MYOM2: variants seen among roughly 807,000 people sequenced by gnomAD.
MYOM2 encodes the protein myomesin-2.
Under a neutral mutation model 187.6 loss-of-function variants are expected in MYOM2, and 254 were observed. That is an observed-to-expected ratio of 1.35 (90% CI 1.22 to 1.50). The LOEUF is 1.50. MYOM2 is among the 40% of genes most tolerant of loss of function. The pLI is 0.00. For synonymous variants in MYOM2, 981 were observed against 753.8 expected (o/e 1.30, Z -4.94); for missense variants, 2,796 against 1,924.0 (o/e 1.45, Z -8.48).
At chr8:2,116,972 C>A (rs929589994) in intron 27 of MYOM2, among the ~76,000 whole-genome samples, 1 of 152,094 alleles carries the variant, frequency 6.6e-6, no homozygotes, top group Non-Finnish European at 1.5e-5. Flanking sequence ...ACCGTGTTAA[C>A]CAGGATGGTC....
chr8:2,129,166 A>C lies in MYOM2; in HGVS notation c.3734A>C (p.Glu1245Ala). The C allele has an allele frequency of 6.2e-7, 1 of 1,612,136 alleles. No individual in the cohort carries two copies. Among genetic ancestry groups the C allele is most frequent in the Non-Finnish European group, 8.5e-7 (1 of 1,178,282 alleles). The change falls in exon 32 of 37, where the codon GAA becomes GCA. Residue 1245 changes from glutamate (E) to alanine (A), a missense_variant. Glu to Ala is a moderately radical substitution (Grantham distance 107). Coordinates refer to ENST00000262113, the MANE Select transcript of MYOM2 (RefSeq NM_003970.4). ...ASPLKVLCTP[E>A]GIRLQCFMKY... ...CCACTGAAGGTACTCTGCACCCCAG[A>C]AGGAATACGACTTCAGTGTTTCATG... is the stretch of plus-strand genomic sequence containing the variant.
chr8:2,102,357 A>G, intron 20 of MYOM2: 1 of 267,914 alleles, frequency 3.7e-6, no homozygotes, highest in East Asian at 6.3e-5. Context: ...GTTCCACAGA[A>G]TTATGTTAAA....
chr8:2,100,851 A>C (rs1294798799), intron 19 of MYOM2, 25 bp from the exon 20 acceptor site: 61 of 1,613,448 alleles, frequency 3.8e-5, no homozygotes, highest in Non-Finnish European at 5.1e-5. Flanking sequence ...TGCGCGCAGA[A>C]ACAAGGTGGC....
In MYOM2 at chr8:2,144,924, G is replaced by A. The variant is rs7000678; in HGVS notation, c.4341G>A (p.Pro1447=). ...KHGEKIPDMA[P]PQQAKPKLIP... is the part of the protein sequence containing the mutation. ...GGGAGAAGATCCCGGACATGGCCCC[G>A]CCCCAGCAAGCCAAGCCCAAGCTCA... The change falls in exon 37 of 37, where the codon CCG becomes CCA. Residue 1447 remains proline, a synonymous_variant. Coordinates refer to ENST00000262113, the MANE Select transcript of MYOM2 (RefSeq NM_003970.4). 3.8e-3 allele frequency: 6,144 copies of A among 1,614,090 alleles called. 194 individuals are homozygous for A. In the African/African-American group the frequency reaches 0.069, roughly 18 times the overall value.
chr8:2,046,959 T>C (rs528481095), intron 1 of MYOM2, among the ~76,000 whole-genome samples: 14 of 152,282 alleles, frequency 9.2e-5, no homozygotes, highest in Non-Finnish European at 1.6e-4. Flanking sequence ...ATGCTCTAAA[T>C]TCTGAAACTT....
rs115760721 is a variant in MYOM2 at position 2,093,980 on chromosome 8, C to G, written c.2014C>G (p.His672Asp). Residue 672 changes from histidine to aspartate, a missense_variant, in exon 17 of 37, where the codon CAC becomes GAC. By Grantham distance (81) the His-to-Asp change is moderately conservative. Coordinates refer to ENST00000262113, the MANE Select transcript of MYOM2 (RefSeq NM_003970.4). ...KPIGYNRFVVHGLTTGEQYIF... is the reference protein window; with the variant it reads ...KPIGYNRFVVDGLTTGEQYIF... ...CCCTGTGTTTCTCAGGTTCGTGGTG[C>G]ACGGCTTAACCACGGGAGAGCAGTA... 1.9e-6 allele frequency: 3 copies of G among 1,614,062 alleles called. No homozygotes were observed. The highest frequency in any genetic ancestry group is 2.5e-6 in the Non-Finnish European group (3 of 1,180,028).
At chr8:2,127,361 A>G (rs1292328742) in intron 31 of MYOM2, among the ~76,000 whole-genome samples, 1 of 152,148 alleles carries the variant, frequency 6.6e-6, no homozygotes, top group Non-Finnish European at 1.5e-5. Context: ...GGACCCTCCA[A>G]GTCCTGAGCT....
chr8:2,092,292 T>C, intron 15 of MYOM2, 54 bp from the exon 16 acceptor site: 4 of 1,580,198 alleles, frequency 2.5e-6, no homozygotes, highest in Non-Finnish European at 3.5e-6. Flanking sequence ...ATCTCTGCTG[T>C]AGCTTCCAAA....
intron 3 of MYOM2, among the ~76,000 whole-genome samples, chr8:2,056,996 G>A (rs1818688560): frequency 6.6e-6 from 1 of 152,188 alleles, no homozygotes; most frequent in African/African-American, 2.4e-5. Flanking sequence ...GGTGCCTGTT[G>A]TCTTTTGCTG....
intron 32 of MYOM2, among the ~76,000 whole-genome samples, chr8:2,130,492 A>G (rs1456043539): frequency 6.6e-6 from 1 of 152,238 alleles, no homozygotes; most frequent in Non-Finnish European, 1.5e-5. Flanking sequence ...TTCCAAAGGA[A>G]AATCAATGGT....
chr8:2,052,129 A>C, intron 2 of MYOM2, 29 bp from the exon 3 acceptor site: 1 of 1,611,512 alleles, frequency 6.2e-7, no homozygotes, highest in Non-Finnish European at 8.5e-7. Context: ...CTGAGCATGC[A>C]TCTCCTAATC....
At chr8:2,107,495 G>C (rs891013001) in intron 23 of MYOM2, among the ~76,000 whole-genome samples, 2 of 152,128 alleles carry the variant, frequency 1.3e-5, no homozygotes, top group Non-Finnish European at 2.9e-5. Context: ...GAGAACATCC[G>C]ACCCAGGATC....
chr8:2,049,777 T>A (rs1818423511), intron 1 of MYOM2, among the ~76,000 whole-genome samples: 1 of 152,224 alleles, frequency 6.6e-6, no homozygotes, highest in South Asian at 2.1e-4. Flanking sequence ...ATCAAGTCAC[T>A]CAGCACGTTG....
chr8:2,137,746 C>T (rs997259421), intron 32 of MYOM2, among the ~76,000 whole-genome samples: 2 of 152,132 alleles, frequency 1.3e-5, no homozygotes, highest in South Asian at 2.1e-4. Flanking sequence ...AGTCAATAAA[C>T]GATTACAGTG....
intron 6 of MYOM2, among the ~76,000 whole-genome samples, chr8:2,064,349 G>A (rs1275218130): frequency 1.3e-5 from 2 of 152,216 alleles, no homozygotes; most frequent in African/African-American, 2.4e-5. Context: ...GTGAGACAGC[G>A]GGAACCATAA....
chr8:2,134,096 T>G (rs1007956245), intron 32 of MYOM2, among the ~76,000 whole-genome samples: 1 of 152,204 alleles, frequency 6.6e-6, no homozygotes, highest in South Asian at 2.1e-4. Context: ...TGAATGATGA[T>G]GTAATACTAT....
chr8:2,105,693 A>C (rs1796864592), intron 21 of MYOM2, among the ~76,000 whole-genome samples: 1 of 152,122 alleles, frequency 6.6e-6, no homozygotes, highest in South Asian at 2.1e-4. Context: ...AAAAATTAGC[A>C]ACAACAAAAC....
At chr8:2,054,022 G>A (rs115541692) in intron 3 of MYOM2, among the ~76,000 whole-genome samples, 466 of 152,298 alleles carry the variant, frequency 3.1e-3, no homozygotes, top group African/African-American at 0.01. Flanking sequence ...AAGGGCCCAG[G>A]AGGGATGAGT....
chr8:2,136,048 G>A (rs73657761), intron 32 of MYOM2, among the ~76,000 whole-genome samples: 19,841 of 152,238 alleles, frequency 0.13, 2,193 homozygotes, highest in African/African-American at 0.28. Flanking sequence ...CTCTGCTAAT[G>A]GCTGTCCATG....
Sources: gnomAD v4.1 joint callset for allele counts (sites outside exome capture counted in the v4.1 genomes callset) on GRCh38, gnomAD v4.1.1 for gene constraint, MANE v1.5 for transcripts, NCBI Gene and HGNC (gene_info 2026-07-23, HGNC 2026-07-21) for gene names.